Variants in KIAA0319 observed in about 807,000 individuals in gnomAD.
The protein encoded by KIAA0319 is KIAA0319.
In KIAA0319, 83 loss-of-function variants were observed where a neutral mutation model predicts 108.4. The observed-to-expected ratio is 0.77, with a 90% CI of 0.64 to 0.92. The LOEUF is 0.92. Ranked by LOEUF, KIAA0319 falls within the 40% of genes least tolerant of loss-of-function variation. The pLI is 0.00. For synonymous variants in KIAA0319, 484 were observed against 510.4 expected (o/e 0.95, Z 0.70); for missense variants, 1,195 against 1,322.4 (o/e 0.90, Z 1.49).
intron 20 of KIAA0319, among the ~76,000 whole-genome samples, chr6:24,549,201 C>G (rs1761072971): frequency 6.6e-6 from 1 of 151,916 alleles, no homozygotes; most frequent in African/African-American, 2.4e-5. Context: ...GGACAGGTGC[C>G]TGTAATCCCA....
At chr6:24,642,175 G>GGAAA (rs1215971396) in intron 1 of KIAA0319, among the ~76,000 whole-genome samples, 3 of 56,092 alleles carry the variant, frequency 5.3e-5, no homozygotes, top group Admixed American at 2.4e-4. Flanking sequence ...GGGAAGTAAG[G>GGAAA]GAAAGAAAGA....
Position 24,599,035 on chromosome 6 carries a change from A to C in KIAA0319, c.55+2014T>G. The C allele has an allele frequency of 1.4e-6, 1 of 733,282 alleles. No individual in the cohort carries two copies. The highest frequency in any genetic ancestry group is 2.4e-6 in the Non-Finnish European group (1 of 408,598). 45.4% of individuals were successfully genotyped at this position (733,282 alleles called of 1,614,324 possible). ...GAGATCAACTTCCTCAGGCAGCTGTATGAAGAGGAGATCCAGGAGCTGCAG... is the reference window on the plus strand; with the variant it reads ...GAGATCAACTTCCTCAGGCAGCTGTCTGAAGAGGAGATCCAGGAGCTGCAG... On this transcript the variant is annotated intron_variant, in intron 2 of 20. Coordinates refer to ENST00000378214, the MANE Select transcript of KIAA0319 (RefSeq NM_014809.4). This position sits in a 1 kb window ranked among gnomAD's most constrained non-coding sequence, Gnocchi z 4.1.
At chr6:24,578,020 T>C in intron 9 of KIAA0319, 90 bp downstream of exon 9, 1 of 1,313,462 alleles carries the variant, frequency 7.6e-7, no homozygotes. Flanking sequence ...TTGATCAAAA[T>C]AAGAAGTGCA....
In KIAA0319 at chr6:24,599,544, G is replaced by A. The variant is rs968333726; in HGVS notation, c.55+1505C>T. 17 of 575,730 alleles carry A rather than the reference G, an allele frequency of 3.0e-5. No homozygotes were observed. The East Asian group carries it at 3.7e-4, about 13-fold the overall frequency. 35.7% of individuals were successfully genotyped at this position (575,730 alleles called of 1,614,324 possible). A position where few individuals can be genotyped will look rare whatever the true frequency, so the allele number is the denominator to read the frequency against. On this transcript the variant is annotated intron_variant, in intron 2 of 20. Coordinates refer to ENST00000378214, the MANE Select transcript of KIAA0319 (RefSeq NM_014809.4). The surrounding 1 kb of genome is among the most constrained non-coding windows in gnomAD (Gnocchi z 4.1). ...CACCTACAGGAAGGTGCTGGAGGGC[G>A]AGGAGAGCTGGCTGGAGTCTGGGAT...
chr6:24,640,367 G>A (rs1776762714), intron 1 of KIAA0319, among the ~76,000 whole-genome samples: 1 of 152,072 alleles, frequency 6.6e-6, no homozygotes, highest in African/African-American at 2.4e-5. Flanking sequence ...GCCATTTGTT[G>A]AAAAAATGCA....
chr6:24,643,747 T>A (rs1350420236), intron 1 of KIAA0319, among the ~76,000 whole-genome samples: 1 of 152,224 alleles, frequency 6.6e-6, no homozygotes, highest in Non-Finnish European at 1.5e-5. Flanking sequence ...CAACACTTAT[T>A]GAAGCGTTAC....
chr6:24,553,354 T>TAC, intron 19 of KIAA0319, among the ~76,000 whole-genome samples: 1 of 148,674 alleles, frequency 6.7e-6, no homozygotes, highest in East Asian at 2.0e-4. Flanking sequence ...TATATATATA[T>TAC]ATATCTGTAT....
At chr6:24,560,705 G>T (rs151148283) in intron 16 of KIAA0319, among the ~76,000 whole-genome samples, 335 of 152,286 alleles carry the variant, frequency 2.2e-3, no homozygotes, top group Middle Eastern at 0.01. Flanking sequence ...CCCTGCCTCG[G>T]TCGTTACATG....
At chr6:24,643,017 C>A (rs1323589314) in intron 1 of KIAA0319, among the ~76,000 whole-genome samples, 1 of 152,148 alleles carries the variant, frequency 6.6e-6, no homozygotes, top group Admixed American at 6.5e-5. Context: ...GCCTCCTTTG[C>A]TTTTTTGAAC....
At chr6:24,620,244 A>G (rs1180815821) in intron 1 of KIAA0319, among the ~76,000 whole-genome samples, 1 of 152,196 alleles carries the variant, frequency 6.6e-6, no homozygotes, top group Non-Finnish European at 1.5e-5. Flanking sequence ...AGAAGATCCC[A>G]AACATGAGGC....
chr6:24,625,901 A>T (rs1774646647), intron 1 of KIAA0319, among the ~76,000 whole-genome samples: 1 of 152,256 alleles, frequency 6.6e-6, no homozygotes, highest in African/African-American at 2.4e-5. Flanking sequence ...GTAAAACATC[A>T]TCAAAAGAAG....
At chr6:24,559,550 A>G (rs760394087) in intron 16 of KIAA0319, among the ~76,000 whole-genome samples, 11 of 151,824 alleles carry the variant, frequency 7.2e-5, no homozygotes, top group Non-Finnish European at 1.2e-4. Flanking sequence ...ATCTTGCCCT[A>G]TGTACCTTTT....
chr6:24,615,972 G>A (rs966730156), intron 1 of KIAA0319, among the ~76,000 whole-genome samples: 2 of 152,134 alleles, frequency 1.3e-5, no homozygotes, highest in African/African-American at 4.8e-5. Context: ...AGAAATATGA[G>A]TTTCTCTGGT....
At chr6:24,550,302 C>G (rs1761286624) in intron 20 of KIAA0319, among the ~76,000 whole-genome samples, 1 of 152,242 alleles carries the variant, frequency 6.6e-6, no homozygotes, top group Non-Finnish European at 1.5e-5. Flanking sequence ...TCTCCAGGGC[C>G]TAACCCGGTG....
rs144797054 is a variant in KIAA0319, at chr6:24,583,690, G to A, written c.1007C>T (p.Thr336Met). 1.2e-5 allele frequency: 19 copies of A among 1,608,446 alleles called. No homozygotes were observed. The highest frequency in any genetic ancestry group is 9.4e-5 in the African/African-American group (7 of 74,722). ...AATTAGGTTATCTCCAGCCGATACC[G>A]TAAGTTCTTTCACTAAAAGTTAATT... ...TTAPRTVKEL[T>M]VSAGDNLIIT... is the part of the protein sequence containing the mutation. Residue 336 changes from threonine (T) to methionine (M), a missense_variant, in exon 5 of 21, where the codon ACG becomes ATG. Transcript: ENST00000378214.
chr6:24,585,914 C>A (rs1767410412), intron 4 of KIAA0319, among the ~76,000 whole-genome samples: 1 of 152,104 alleles, frequency 6.6e-6, no homozygotes, highest in African/African-American at 2.4e-5. Flanking sequence ...CACGGAGAAA[C>A]CCTGTCTCTA....
chr6:24,622,722 C>T (rs909829297), intron 1 of KIAA0319, among the ~76,000 whole-genome samples: 1 of 152,044 alleles, frequency 6.6e-6, no homozygotes, highest in Non-Finnish European at 1.5e-5. Context: ...TATTATTCTC[C>T]CCATCTCACA....
chr6:24,568,910 T>A lies in KIAA0319; in HGVS notation c.2011A>T (p.Met671Leu). The A allele has an allele frequency of 6.2e-7, 1 of 1,614,170 alleles. No homozygotes were observed. The highest frequency in any genetic ancestry group is 8.5e-7 in the Non-Finnish European group (1 of 1,180,014). The change falls in exon 13 of 21, where the codon ATG (methionine) becomes TTG (leucine). Residue 671 changes from methionine to leucine, a missense_variant. By Grantham distance (15) the Met-to-Leu change is conservative. Coordinates refer to ENST00000378214, the MANE Select transcript of KIAA0319 (RefSeq NM_014809.4). The stretch of plus-strand genomic sequence containing the variant: ...GCTATTGCTTTGTCAATATTTTCCA[T>A]CTCCACTGCACTGGGGCCTCTATAA... ...EHVRGPSAVEMENIDKAIATV... is the reference protein window; with the variant it reads ...EHVRGPSAVELENIDKAIATV...
intron 19 of KIAA0319, among the ~76,000 whole-genome samples, chr6:24,553,599 C>T (rs779972616): frequency 3.5e-4 from 54 of 152,138 alleles, no homozygotes; most frequent in Non-Finnish European, 6.9e-4. Context: ...ATAAAACCCT[C>T]ATTTCAGAAA....
Sources: allele counts gnomAD v4.1 joint callset (sites outside exome capture counted in the v4.1 genomes callset), GRCh38; gene constraint gnomAD v4.1.1; non-coding constraint Gnocchi (gnomAD v3.1); transcripts MANE v1.5; gene names NCBI Gene and HGNC (gene_info 2026-07-23, HGNC 2026-07-21).